SERPING1: variants seen among roughly 807,000 people sequenced by gnomAD.
SERPING1 encodes serpin family G member 1.
SERPING1 carries 5 observed loss-of-function variants against 34.1 expected under a neutral mutation model. The observed-to-expected ratio is 0.15, with a 90% CI of 0.08 to 0.31. The LOEUF (loss-of-function observed/expected upper bound fraction) is 0.31, where lower values mean the gene tolerates loss of function less well. Ranked by LOEUF, SERPING1 falls within the 10% of genes least tolerant of loss-of-function variation. The pLI is 1.00. For synonymous variants in SERPING1, 225 were observed against 242.4 expected (o/e 0.93, Z 0.67); for missense variants, 505 against 609.5 (o/e 0.83, Z 1.81).
At chr11:57,609,897 G>C (rs1945460634) in intron 6 of SERPING1, among the ~76,000 whole-genome samples, 1 of 152,132 alleles carries the variant, frequency 6.6e-6, no homozygotes. Context: ...CTCTTAAGTA[G>C]CTGAGATTCC....
In SERPING1 at chr11:57,611,748, G is replaced by A; in HGVS notation, c.1061G>A (p.Ser354Asn). Residue 354 changes from serine to asparagine, a missense_variant, in exon 7 of 8, where the codon AGT (serine) becomes AAT (asparagine). Physicochemically the swap from Ser to Asn is conservative, Grantham distance 46 (BLOSUM62 1). Transcript: ENST00000278407. ...VGQLQLSHNLSLVILVPQNLK... is the reference protein window; with the variant it reads ...VGQLQLSHNLNLVILVPQNLK... ...CAGCTGCAGCTCTCCCACAATCTGA[G>A]TTTGGTGATCCTGGTACCCCAGAAC... The A allele has an allele frequency of 1.9e-6, 3 of 1,614,252 alleles. No homozygotes were observed. Among genetic ancestry groups the A allele is most frequent in the Non-Finnish European group, 2.5e-6 (3 of 1,180,054 alleles).
intron 6 of SERPING1, among the ~76,000 whole-genome samples, chr11:57,607,920 A>G (rs1014971990): frequency 6.6e-6 from 1 of 152,212 alleles, no homozygotes; most frequent in Non-Finnish European, 1.5e-5. Context: ...CAGCCTCCCA[A>G]AGGGCTGGGA....
intron 6 of SERPING1, among the ~76,000 whole-genome samples, chr11:57,608,060 C>A (rs1443578600): frequency 6.6e-6 from 1 of 152,170 alleles, no homozygotes; most frequent in African/African-American, 2.4e-5. Flanking sequence ...CCATTCATGA[C>A]TCATTTAGCA....
chr11:57,612,947 A>G (rs562495415), intron 7 of SERPING1, among the ~76,000 whole-genome samples: 1 of 150,634 alleles, frequency 6.6e-6, no homozygotes, highest in Non-Finnish European at 1.5e-5. Flanking sequence ...GGGTTTCACC[A>G]TGTTGGTGAA....
At chr11:57,613,302 A>G (rs1158116080) in intron 7 of SERPING1, among the ~76,000 whole-genome samples, 1 of 152,186 alleles carries the variant, frequency 6.6e-6, no homozygotes, top group Non-Finnish European at 1.5e-5. Context: ...CCTGGAAATA[A>G]CATCAGATCC....
chr11:57,611,726 C>G lies in SERPING1; in HGVS notation c.1039C>G (p.Leu347Val). 1 of 1,614,110 alleles carries G rather than the reference C, an allele frequency of 6.2e-7. No homozygotes were observed. The highest frequency in any genetic ancestry group is 8.5e-7 in the Non-Finnish European group (1 of 1,179,970). Residue 347 changes from leucine (L) to valine (V), a missense_variant, in exon 7 of 8, where the codon CTG becomes GTG. By Grantham distance (32) the Leu-to-Val change is conservative. Transcript: ENST00000278407. ...ATCTCTTATTTTCTAGGTGGGGCAG[C>G]TGCAGCTCTCCCACAATCTGAGTTT... ...DQTLKAKVGQ[L>V]QLSHNLSLVI...
At chr11:57,598,082 A>G (rs1014512262) in intron 1 of SERPING1, 167 bp from the exon 2 acceptor site, 2 of 592,742 alleles carry the variant, frequency 3.4e-6, no homozygotes, top group Non-Finnish European at 3.0e-6. Context: ...TTTGGGGAAA[A>G]CAAAACAGAG....
At chr11:57,601,010 T>C (rs1945341956) in intron 3 of SERPING1, among the ~76,000 whole-genome samples, 1 of 151,882 alleles carries the variant, frequency 6.6e-6, no homozygotes. Context: ...TACTGCCTTC[T>C]AGCTCTGTGA....
At chr11:57,602,777 CAAAAACAAAAAA>C (rs1259672132) in intron 4 of SERPING1, among the ~76,000 whole-genome samples, 77 of 85,640 alleles carry the variant, frequency 9.0e-4, no homozygotes, top group Admixed American at 2.9e-3. Context: ...AAAAACAAAA[CAAAAACAAAAAA>C]AAAAACAAAG....
At chr11:57,604,155 T>C (rs937288685) in intron 4 of SERPING1, among the ~76,000 whole-genome samples, 12 of 149,030 alleles carry the variant, frequency 8.1e-5, no homozygotes, top group African/African-American at 3.0e-4. Context: ...AAAAGAAGAA[T>C]ACCCATATGC....
intron 6 of SERPING1, among the ~76,000 whole-genome samples, chr11:57,608,561 G>A (rs1264687066): frequency 3.9e-5 from 6 of 152,144 alleles, no homozygotes; most frequent in Admixed American, 2.0e-4. Context: ...TGCCCAGGCC[G>A]GAGTGCAGTG....
rs574198313 is a variant in SERPING1 at position 57,611,761 on chromosome 11, G to C, written c.1074G>C (p.Leu358=). 6.2e-7 allele frequency: 1 copy of C among 1,614,200 alleles called. No homozygotes were observed. The highest frequency in any genetic ancestry group is 8.5e-7 in the Non-Finnish European group (1 of 1,180,044). ...QLSHNLSLVI[L]VPQNLKHRLE... is the part of the protein sequence containing the mutation. ...CCCACAATCTGAGTTTGGTGATCCT[G>C]GTACCCCAGAACCTGAAACATCGTC... Residue 358 remains leucine, a synonymous_variant, in exon 7 of 8, where the codon CTG becomes CTC. Transcript: ENST00000278407.
At chr11:57,611,070 G>C (rs1945471742) in intron 6 of SERPING1, among the ~76,000 whole-genome samples, 1 of 152,076 alleles carries the variant, frequency 6.6e-6, no homozygotes, top group Admixed American at 6.6e-5. Flanking sequence ...GAGTAGCTGG[G>C]ATTACAGGCA....
chr11:57,612,519 T>C (rs975150809), intron 7 of SERPING1, among the ~76,000 whole-genome samples: 6 of 150,704 alleles, frequency 4.0e-5, no homozygotes, highest in African/African-American at 1.5e-4. Context: ...CGCCATGCCA[T>C]TCTCTCGCCT....
At chr11:57,600,713 G>A (rs1036822823) in intron 3 of SERPING1, among the ~76,000 whole-genome samples, 5 of 152,204 alleles carry the variant, frequency 3.3e-5, no homozygotes, top group Admixed American at 2.6e-4. Flanking sequence ...CACTTTGGGA[G>A]GCCAAGGCGG....
intron 7 of SERPING1, 99 bp downstream of exon 7, chr11:57,612,035 A>G (rs1290208369): frequency 5.8e-6 from 6 of 1,036,814 alleles, no homozygotes; most frequent in African/African-American, 1.6e-5. Context: ...TTTTACATCC[A>G]TAATCTCAGT....
chr11:57,614,551 C>A lies in SERPING1; in HGVS notation c.1473C>A (p.Phe491Leu). 6.2e-7 allele frequency: 1 copy of A among 1,614,072 alleles called. No homozygotes were observed. The highest frequency in any genetic ancestry group is 2.2e-5 in the East Asian group (1 of 44,878). Residue 491 changes from phenylalanine (F) to leucine (L), a missense_variant, in exon 8 of 8, where the codon TTC becomes TTA. By Grantham distance (22) the Phe-to-Leu change is conservative (BLOSUM62 0). Coordinates refer to ENST00000278407, the MANE Select transcript of SERPING1 (RefSeq NM_000062.3). Reference protein sequence around the residue: ...LWDQQHKFPVFMGRVYDPRA With the variant: ...LWDQQHKFPVLMGRVYDPRA The stretch of plus-strand genomic sequence containing the variant: ...ACCAGCAGCACAAGTTCCCTGTCTT[C>A]ATGGGGCGAGTATATGACCCCAGGG...
rs1945331640 is a variant in SERPING1 at position 57,600,131 on chromosome 11, C to G, written c.304C>G (p.Pro102Ala). 1 of 1,443,258 alleles carries G rather than the reference C, an allele frequency of 6.9e-7. No individual in the cohort carries two copies. The allele number at this position is 1,443,258 out of a possible 1,614,324, so 89.4% of individuals were successfully genotyped here. Residue 102 changes from proline to alanine, a missense_variant, in exon 3 of 8, where the codon CCC (proline) becomes GCC (alanine). Physicochemically the swap from Pro to Ala is conservative, Grantham distance 27. Transcript: ENST00000278407. Reference sequence around the variant, plus strand: ...GCCCACCACCCAACCCACCATCCAACCCACCCAACCAACTACCCAGCTCCC... The same window carrying G: ...GCCCACCACCCAACCCACCATCCAAGCCACCCAACCAACTACCCAGCTCCC... Reference protein sequence around the residue: ...TEPTTQPTIQPTQPTTQLPTD... With the variant: ...TEPTTQPTIQATQPTTQLPTD...
chr11:57,601,305 G>A (rs1233787834), intron 3 of SERPING1, among the ~76,000 whole-genome samples: 4 of 151,722 alleles, frequency 2.6e-5, no homozygotes, highest in African/African-American at 9.7e-5. Flanking sequence ...GGAGGCTGAG[G>A]CAGGAGAATC....
Sources: allele counts gnomAD v4.1 joint callset (sites outside exome capture counted in the v4.1 genomes callset), GRCh38; gene constraint gnomAD v4.1.1; transcripts MANE v1.5; gene names NCBI Gene and HGNC (gene_info 2026-07-23, HGNC 2026-07-21).